WASF1: variants seen among roughly 807,000 people sequenced by gnomAD.
WASF1 encodes the protein actin-binding protein WASF1.
Under a neutral mutation model 50.5 loss-of-function variants are expected in WASF1, and 7 were observed. That is an observed-to-expected ratio of 0.14 (90% CI 0.08 to 0.26). WASF1 has a LOEUF of 0.26. Among genes scored for constraint, WASF1 ranks in the 10% least tolerant of loss-of-function variants. The pLI is 1.00. For missense variants in WASF1, 470 were observed against 694.7 expected (o/e 0.68, Z 3.64); for synonymous variants, 205 against 244.0 (o/e 0.84, Z 1.49).
chr6:110,158,644 C>T (rs1325123189), intron 3 of WASF1, among the ~76,000 whole-genome samples: 1 of 151,840 alleles, frequency 6.6e-6, no homozygotes, highest in Admixed American at 6.6e-5. Flanking sequence ...GCTTCTTTGA[C>T]CCCAAGATAA....
chr6:110,124,063 G>A (rs1264299087), intron 4 of WASF1, among the ~76,000 whole-genome samples: 5 of 151,736 alleles, frequency 3.3e-5, no homozygotes, highest in Admixed American at 1.3e-4. Flanking sequence ...GCAGATAAGG[G>A]AACTTGCACA....
At chr6:110,105,698 T>C (rs1773294044) in intron 7 of WASF1, 119 bp from the exon 8 acceptor site, 1 of 941,332 alleles carries the variant, frequency 1.1e-6, no homozygotes, top group Non-Finnish European at 1.6e-6. Context: ...CATCATAATA[T>C]AGTAAAAGTA....
chr6:110,147,620 A>C (rs1775633302), intron 3 of WASF1, among the ~76,000 whole-genome samples: 1 of 152,192 alleles, frequency 6.6e-6, no homozygotes, highest in Non-Finnish European at 1.5e-5. Flanking sequence ...ACTAAATAGT[A>C]GTATTTTCTT....
intron 3 of WASF1, among the ~76,000 whole-genome samples, chr6:110,129,316 C>CA (rs894941267): frequency 3.3e-5 from 5 of 151,622 alleles, no homozygotes; most frequent in East Asian, 1.9e-4. Flanking sequence ...AAAAAACAAA[C>CA]AAAAAAAATG....
Position 110,123,897 on chromosome 6 carries a change from T to C in WASF1, c.133+3572A>G, listed in dbSNP as rs574297608. On this transcript the variant is annotated intron_variant, in intron 4 of 10. Coordinates refer to ENST00000392589, the MANE Select transcript of WASF1 (RefSeq NM_003931.3). ...GGCAATAAGAACTGACTATATTCCA[T>C]AAGAGAAAAGCCAGGGGAAGAGATC... Among the ~76,000 whole-genome samples, 50 of 152,170 alleles carry C rather than the reference T, an allele frequency of 3.3e-4. 1 individual carries two copies. Among genetic ancestry groups the C allele is most frequent in the African/African-American group, 1.2e-3 (49 of 41,532 alleles).
rs183483469 is a variant in WASF1, at chr6:110,162,805, T to C, written c.-126-2073A>G. ...TACAAAAAACCTACAGCTAACATCA[T>C]ACTTAATGGCAAGAAACTACAACCT... On this transcript the variant is annotated intron_variant, in intron 2 of 10. Coordinates refer to ENST00000392589, the MANE Select transcript of WASF1 (RefSeq NM_003931.3). Among the ~76,000 whole-genome samples, 274 of 151,792 alleles carry C rather than the reference T, an allele frequency of 1.8e-3. 2 individuals are homozygous for C. The highest frequency in any genetic ancestry group is 6.4e-3 in the African/African-American group (265 of 41,508).
Position 110,127,633 on chromosome 6 carries a change from T to C in WASF1, c.-28-4A>G, listed in dbSNP as rs1423983921. 2.0e-6 allele frequency: 3 copies of C among 1,480,010 alleles called. No individual in the cohort carries two copies. The highest frequency in any genetic ancestry group is 2.6e-5 in the Admixed American group (1 of 38,664). The allele number at this position is 1,480,010 out of a possible 1,614,324, so 91.7% of individuals were successfully genotyped here. A position where few individuals can be genotyped will look rare whatever the true frequency, so the allele number is the denominator to read the frequency against. ...ATTAACCTTTGTGCCAGTTCACCTG[T>C]AGGAAATCAAAAATAAATTAACAAT... On this transcript the variant is annotated splice_polypyrimidine_tract_variant and splice_region_variant and intron_variant, in intron 3 of 10. Coordinates refer to ENST00000392589, the MANE Select transcript of WASF1 (RefSeq NM_003931.3).
At chr6:110,144,660 C>A (rs1258876227) in intron 3 of WASF1, among the ~76,000 whole-genome samples, 1 of 152,154 alleles carries the variant, frequency 6.6e-6, no homozygotes, top group East Asian at 1.9e-4. Context: ...AGGAAGGGAT[C>A]CAGTTTCAGC....
chr6:110,147,808 G>A (rs557998631), intron 3 of WASF1, among the ~76,000 whole-genome samples: 7 of 152,258 alleles, frequency 4.6e-5, no homozygotes, highest in South Asian at 2.1e-4. Context: ...ATGCAGTGGC[G>A]TGATCACAAC....
At chr6:110,128,342 A>G (rs1774506027) in intron 3 of WASF1, among the ~76,000 whole-genome samples, 2 of 152,182 alleles carry the variant, frequency 1.3e-5, no homozygotes, top group African/African-American at 4.8e-5. Flanking sequence ...ATTTTGTTCT[A>G]GAGAGTTAGT....
chr6:110,154,718 G>A (rs1459856082), intron 3 of WASF1, among the ~76,000 whole-genome samples: 2 of 151,852 alleles, frequency 1.3e-5, no homozygotes, highest in African/African-American at 4.8e-5. Flanking sequence ...ACTTTATATA[G>A]GAACAAACAA....
intron 3 of WASF1, among the ~76,000 whole-genome samples, chr6:110,158,990 C>G (rs941555161): frequency 6.6e-6 from 1 of 151,968 alleles, no homozygotes; most frequent in East Asian, 1.9e-4. Context: ...GCATTGTGAT[C>G]TTTCTTGAAT....
At chr6:110,159,768 A>G (rs571334958) in intron 3 of WASF1, among the ~76,000 whole-genome samples, 99 of 151,880 alleles carry the variant, frequency 6.5e-4, no homozygotes, top group Non-Finnish European at 1.2e-3. Context: ...CCTTATACAC[A>G]TGGCTTGAAG....
intron 3 of WASF1, among the ~76,000 whole-genome samples, chr6:110,153,168 G>T (rs1456187838): frequency 6.6e-6 from 1 of 151,988 alleles, no homozygotes. Context: ...GTTTTTCTTG[G>T]GTAAATACTT....
At chr6:110,108,715 T>C (rs1773432550) in intron 5 of WASF1, 34 bp from the exon 6 acceptor site, 4 of 1,582,694 alleles carry the variant, frequency 2.5e-6, no homozygotes, top group Middle Eastern at 1.7e-4. Flanking sequence ...TTTTATTTTA[T>C]TTTACTAAGA....
Position 110,108,609 on chromosome 6 carries a change from C to T in WASF1, c.341G>A (p.Arg114His). Reference sequence around the variant, plus strand: ...CTGTAATGGAATAGGCAAAGTCTTGCGATCGAAAAGCTGCTGGTCTTGAAT... The same window carrying T: ...CTGTAATGGAATAGGCAAAGTCTTGTGATCGAAAAGCTGCTGGTCTTGAAT... The part of the protein sequence containing the change: ...STIQDQQLFD[R>H]KTLPIPLQET... Residue 114 changes from arginine (R) to histidine (H), a missense_variant, in exon 6 of 11, where the codon CGC becomes CAC. By Grantham distance (29) the Arg-to-His change is conservative (BLOSUM62 0). Transcript: ENST00000392589. 8.7e-6 allele frequency: 14 copies of T among 1,613,974 alleles called. No individual in the cohort carries two copies. The highest frequency in any genetic ancestry group is 2.2e-5 in the East Asian group (1 of 44,862).
At position 110,164,749 on chromosome 6, in the gene WASF1, G is replaced by T. The variant is rs572865940; in HGVS notation, c.-126-4017C>A. ...ACACCCATACAAAAATGTCAACATC[G>T]ATGTTTTAGCAGTTTTATTCATAAC... On this transcript the variant is annotated intron_variant, in intron 2 of 10. Coordinates refer to ENST00000392589, the MANE Select transcript of WASF1 (RefSeq NM_003931.3). Among the ~76,000 whole-genome samples, 5 of 151,448 alleles carry T rather than the reference G, an allele frequency of 3.3e-5. No homozygotes were observed. In the South Asian group the frequency reaches 1.0e-3, roughly 31 times the overall value.
At chr6:110,105,302 A>G (rs1773269223) in intron 8 of WASF1, 105 bp downstream of exon 8, 1 of 1,155,922 alleles carries the variant, frequency 8.7e-7, no homozygotes, top group South Asian at 1.7e-5. Context: ...TATTTATAAC[A>G]GGGTCTGCCT....
In WASF1 at chr6:110,113,398, C is replaced by T; in HGVS notation, c.196G>A (p.Val66Ile). 4 of 1,605,322 alleles carry T rather than the reference C, an allele frequency of 2.5e-6. No homozygotes were observed. The highest frequency in any genetic ancestry group is 3.4e-6 in the Non-Finnish European group (4 of 1,176,210). ...TCCACACGTTCTTGCAATGAGTTGA[C>T]TCTGAAGGAAAAACTATGTGCTTCA... The part of the protein sequence containing the change: ...FNEAHSFSFR[V>I]NSLQERVDRL... Residue 66 changes from valine (V) to isoleucine (I), a missense_variant, in exon 5 of 11, where the codon GTC (valine) becomes ATC (isoleucine). Physicochemically the swap from Val to Ile is conservative, Grantham distance 29 (BLOSUM62 3). Around this residue, in one of 3 missense-constraint regions of WASF1, gnomAD observed 140 missense variants for 260.5 expected, o/e 0.54. Coordinates refer to ENST00000392589, the MANE Select transcript of WASF1 (RefSeq NM_003931.3).
Sources: gnomAD v4.1 joint callset for allele counts (sites outside exome capture counted in the v4.1 genomes callset) on GRCh38, gnomAD v4.1.1 for gene constraint, gnomAD v4.1.1 regional missense constraint, MANE v1.5 for transcripts, NCBI Gene and HGNC (gene_info 2026-07-23, HGNC 2026-07-21) for gene names.